TENT5D: variants seen among roughly 807,000 people sequenced by gnomAD.
TENT5D encodes the protein terminal nucleotidyltransferase 5D.
For missense variants in TENT5D, 191 were observed against 287.0 expected, an observed-to-expected ratio of 0.67 and a Z score of 2.42; for synonymous variants, 103 against 100.6, an observed-to-expected ratio of 1.02 and a Z score of -0.15.
At chrX:80,444,565 A>AG in exon 3 of TENT5D, 1 of 124,643 alleles carries the variant, frequency 8.0e-6, no homozygotes. Flanking sequence ...CAGGAAAAAA[A>AG]CAGGCAGAGG....
intron 3 of TENT5D, among the ~76,000 whole-genome samples, chrX:80,381,475 C>G (rs773317543): frequency 9.1e-6 from 1 of 110,250 alleles, no homozygotes; most frequent in South Asian, 3.8e-4. Flanking sequence ...GTGGTGTTCT[C>G]TGTATTTCCT....
chrX:80,393,211 G>A, intron 3 of TENT5D, among the ~76,000 whole-genome samples: 1 of 110,813 alleles, frequency 9.0e-6, no homozygotes, highest in Admixed American at 9.5e-5. Context: ...GTATTTTCTT[G>A]TTTTTGAAAA....
At chrX:80,435,027 C>T (rs1932158605) in intron 1 of TENT5D, among the ~76,000 whole-genome samples, 4 of 110,456 alleles carry the variant, frequency 3.6e-5, no homozygotes, top group Non-Finnish European at 7.6e-5. Flanking sequence ...TCATGATCCG[C>T]CCGCCTCAGC....
At chrX:80,414,750 G>A (rs935193553) in intron 3 of TENT5D, among the ~76,000 whole-genome samples, 17 of 111,657 alleles carry the variant, frequency 1.5e-4, no homozygotes, top group African/African-American at 5.2e-4. Flanking sequence ...ATAGGGGAGA[G>A]GAAGCAATGA....
rs192506937 is a variant in TENT5D, at chrX:80,442,174, G to T, written c.-18-348G>T. Among the ~76,000 whole-genome samples, 27 of 110,696 alleles carry T rather than the reference G, an allele frequency of 2.4e-4. No individual in the cohort carries two copies. The East Asian group carries it at 5.4e-3, about 22-fold the overall frequency. ...ATAATTAATCTCAATGATACATTAT[G>T]GTTATCCCATGAACAAAATTTATAT... is the stretch of plus-strand genomic sequence containing the variant. On this transcript the variant is annotated intron_variant, in intron 2 of 2. Coordinates refer to ENST00000308293, the Ensembl canonical transcript of TENT5D.
At chrX:80,434,329 G>C (rs1269023105) in intron 1 of TENT5D, among the ~76,000 whole-genome samples, 8 of 110,873 alleles carry the variant, frequency 7.2e-5, no homozygotes, top group Non-Finnish European at 1.3e-4. Flanking sequence ...TTTGGTACAA[G>C]ATAAATTGAA....
chrX:80,379,709 T>G (rs1042467372), intron 3 of TENT5D, among the ~76,000 whole-genome samples: 13 of 111,219 alleles, frequency 1.2e-4, no homozygotes, highest in Non-Finnish European at 1.9e-4. Context: ...GTCAGGGAAT[T>G]TATCCATTTC....
At chrX:80,382,172 A>G (rs1317341791) in intron 3 of TENT5D, among the ~76,000 whole-genome samples, 1 of 111,867 alleles carries the variant, frequency 8.9e-6, no homozygotes, top group Non-Finnish European at 1.9e-5. Context: ...TGTTGATGCT[A>G]TTCCTTTCTG....
chrX:80,422,066 C>T (rs989924956), intron 1 of TENT5D, among the ~76,000 whole-genome samples: 2 of 111,070 alleles, frequency 1.8e-5, no homozygotes, highest in African/African-American at 3.3e-5. Context: ...GTAGTAGTAT[C>T]CCATGGGAGA....
intron 3 of TENT5D, among the ~76,000 whole-genome samples, chrX:80,369,495 A>G (rs753248602): frequency 2.7e-5 from 3 of 111,870 alleles, no homozygotes; most frequent in Non-Finnish European, 5.6e-5. Context: ...GAAATGAGTT[A>G]GCTAGCATTT....
At chrX:80,414,207 G>GT (rs769218209) in intron 3 of TENT5D, among the ~76,000 whole-genome samples, 1 of 111,973 alleles carries the variant, frequency 8.9e-6, no homozygotes, top group African/African-American at 3.2e-5. Flanking sequence ...AGAAGGAGTT[G>GT]TACAGTAAAA....
intron 3 of TENT5D, among the ~76,000 whole-genome samples, chrX:80,399,414 G>C (rs1271378679): frequency 8.9e-6 from 1 of 111,975 alleles, no homozygotes; most frequent in Non-Finnish European, 1.9e-5. Context: ...AAAATAAATT[G>C]ACTATAGATA....
intron 3 of TENT5D, among the ~76,000 whole-genome samples, chrX:80,353,172 T>G (rs1930220746): frequency 8.9e-6 from 1 of 112,723 alleles, no homozygotes; most frequent in Non-Finnish European, 1.9e-5. Flanking sequence ...GTCTTATTCT[T>G]AAGTTTTGAG....
chrX:80,409,477 G>T (rs1282449305), intron 3 of TENT5D, among the ~76,000 whole-genome samples: 1 of 110,596 alleles, frequency 9.0e-6, no homozygotes, highest in East Asian at 2.8e-4. Flanking sequence ...AGAGCCAAAT[G>T]AGTGAACTCC....
chrX:80,376,312 C>T (rs1201323633), intron 3 of TENT5D, among the ~76,000 whole-genome samples: 4 of 110,968 alleles, frequency 3.6e-5, no homozygotes, highest in South Asian at 3.7e-4. Context: ...TATCATAATT[C>T]GTTAATAGTA....
intron 3 of TENT5D, among the ~76,000 whole-genome samples, chrX:80,366,847 A>G (rs944085658): frequency 1.8e-5 from 2 of 111,730 alleles, no homozygotes; most frequent in Non-Finnish European, 3.8e-5. Flanking sequence ...TTTCTACTAT[A>G]CAATTCTGCT....
exon 3 of TENT5D, chrX:80,442,737 C>T (rs779566263): frequency 2.2e-5 from 27 of 1,209,397 alleles, no homozygotes; most frequent in South Asian, 7.0e-5. Flanking sequence ...TGAATGGTTC[C>T]GTAGCAAGTT....
At chrX:80,353,971 C>A (rs1930234800) in intron 3 of TENT5D, among the ~76,000 whole-genome samples, 1 of 111,348 alleles carries the variant, frequency 9.0e-6, no homozygotes, top group Non-Finnish European at 1.9e-5. Flanking sequence ...TACTTTTGAA[C>A]AGTTACCATT....
intron 1 of TENT5D, among the ~76,000 whole-genome samples, chrX:80,426,632 T>G (rs1931993873): frequency 8.9e-6 from 1 of 112,409 alleles, no homozygotes; most frequent in Non-Finnish European, 1.9e-5. Context: ...ATGGTAAGAT[T>G]AATTCATACA....
Sources: allele counts gnomAD v4.1 joint callset (sites outside exome capture counted in the v4.1 genomes callset), GRCh38; gene constraint gnomAD v4.1.1; transcripts MANE v1.5; gene names NCBI Gene and HGNC (gene_info 2026-07-23, HGNC 2026-07-21).